USP48: variants seen among roughly 807,000 people sequenced by gnomAD.
The protein encoded by USP48 is ubiquitin specific peptidase 48, also known as ubiquitin carboxyl-terminal hydrolase 48.
Under a neutral mutation model 150.7 loss-of-function variants are expected in USP48, and 43 were observed. The observed-to-expected ratio is 0.29, with a 90% confidence interval of 0.22 to 0.37. The LOEUF is 0.37. Ranked by LOEUF, USP48 falls within the 10% of genes least tolerant of loss-of-function variation. The pLI is 1.00. For synonymous variants in USP48, 396 were observed against 425.9 expected, an observed-to-expected ratio of 0.93 and a Z score of 0.86; for missense variants, 813 against 1,249.6, an observed-to-expected ratio of 0.65 and a Z score of 5.27.
intron 22 of USP48, among the ~76,000 whole-genome samples, chr1:21,700,077 G>T (rs1479977862): frequency 6.6e-6 from 1 of 150,576 alleles, no homozygotes; most frequent in Non-Finnish European, 1.5e-5. Flanking sequence ...TCTTTACCCT[G>T]TTCCTTATGC....
chr1:21,699,973 A>C (rs1234542467), intron 22 of USP48, among the ~76,000 whole-genome samples: 1 of 149,468 alleles, frequency 6.7e-6, no homozygotes, highest in East Asian at 2.0e-4. Flanking sequence ...AAAGGGCGGC[A>C]GCAAAGTCAT....
chr1:21,716,490 G>A (rs1370196817), intron 14 of USP48, among the ~76,000 whole-genome samples: 1 of 152,166 alleles, frequency 6.6e-6, no homozygotes, highest in Non-Finnish European at 1.5e-5. Flanking sequence ...CTTATGAATT[G>A]TTTACTTCTG....
chr1:21,704,153 T>C (rs1026757898), intron 20 of USP48, 109 bp downstream of exon 20: 4 of 1,295,326 alleles, frequency 3.1e-6, no homozygotes, highest in Non-Finnish European at 3.2e-6. Context: ...ACCTAGGGAG[T>C]TGGGACCGCC....
intron 1 of USP48, among the ~76,000 whole-genome samples, chr1:21,758,710 A>T (rs1341647277): frequency 1.3e-5 from 2 of 152,032 alleles, no homozygotes; most frequent in Non-Finnish European, 2.9e-5. Context: ...AGATTACACC[A>T]CTGCACTCTG....
chr1:21,692,488 A>G (rs996417826), intron 23 of USP48, among the ~76,000 whole-genome samples: 5 of 152,162 alleles, frequency 3.3e-5, no homozygotes, highest in Non-Finnish European at 7.3e-5. Context: ...TTTTTGTACT[A>G]CCCTATGAAA....
At chr1:21,734,332 G>A (rs1020673424) in intron 9 of USP48, among the ~76,000 whole-genome samples, 4 of 152,214 alleles carry the variant, frequency 2.6e-5, no homozygotes, top group East Asian at 3.9e-4. Flanking sequence ...CCAGGAGTTC[G>A]AGGCTGCAGT....
At chr1:21,690,206 AG>A in intron 23 of USP48, 107 bp from the exon 24 acceptor site, 29 of 1,299,094 alleles carry the variant, frequency 2.2e-5, no homozygotes, top group Non-Finnish European at 2.7e-5. Context: ...AAAAGGCTTC[AG>A]AGTACAAAAC....
At chr1:21,778,604 A>T (rs1469208924) in intron 1 of USP48, among the ~76,000 whole-genome samples, 1 of 140,468 alleles carries the variant, frequency 7.1e-6, no homozygotes. Context: ...CTCATCTTAA[A>T]AAAAAAAAAA....
intron 3 of USP48, among the ~76,000 whole-genome samples, chr1:21,755,192 A>G (rs1437284748): frequency 2.0e-5 from 3 of 152,182 alleles, no homozygotes; most frequent in African/African-American, 7.2e-5. Context: ...TGTGGCTTTC[A>G]GCAAGTCAAT....
intron 1 of USP48, among the ~76,000 whole-genome samples, chr1:21,758,430 G>T (rs116356719): frequency 2.6e-3 from 397 of 152,166 alleles, no homozygotes; most frequent in African/African-American, 8.9e-3. Context: ...AATGAAATTG[G>T]TTACCTACAG....
chr1:21,733,581 G>A (rs2097762098), intron 9 of USP48, among the ~76,000 whole-genome samples: 1 of 152,076 alleles, frequency 6.6e-6, no homozygotes. Flanking sequence ...TAAAATATAT[G>A]CTGCATAAAA....
intron 15 of USP48, among the ~76,000 whole-genome samples, chr1:21,711,308 C>CA (rs987049256): frequency 6.6e-6 from 1 of 151,982 alleles, no homozygotes; most frequent in African/African-American, 2.4e-5. Flanking sequence ...TAGGGATTTA[C>CA]AAAAAATGAG....
intron 9 of USP48, among the ~76,000 whole-genome samples, chr1:21,733,832 C>T (rs775542886): frequency 1.1e-4 from 17 of 151,780 alleles, no homozygotes; most frequent in Non-Finnish European, 2.1e-4. Flanking sequence ...CACTCCGTAG[C>T]CCAGGCTGGA....
chr1:21,687,088 C>T, intron 25 of USP48, 103 bp downstream of exon 25: 1 of 1,078,634 alleles, frequency 9.3e-7, no homozygotes, highest in Non-Finnish European at 1.4e-6. Context: ...AAGCTTTTTT[C>T]AAGGTTCAAA....
At position 21,769,240 on chromosome 1, in the gene USP48, A is replaced by G. The variant is rs117472934; in HGVS notation, c.135-11457T>C. On this transcript the variant is annotated intron_variant, in intron 1 of 26. Coordinates refer to ENST00000308271, the MANE Select transcript of USP48 (RefSeq NM_032236.8). ...ACCTAAGCATGAAAGATAAAGCAAT[A>G]CAACTTATAGAAATAACACAGGAGA... Among the ~76,000 whole-genome samples, 48 of 152,324 alleles carry G rather than the reference A, an allele frequency of 3.2e-4. No individual in the cohort carries two copies. In the East Asian group the frequency reaches 9.2e-3, roughly 29 times the overall value.
chr1:21,782,958 G>A lies in USP48; in HGVS notation c.-1C>T, dbSNP rs1317358183. 5.9e-6 allele frequency: 9 copies of A among 1,537,164 alleles called. No individual in the cohort carries two copies. Among genetic ancestry groups the A allele is most frequent in the South Asian group, 2.4e-5 (2 of 83,124 alleles). ...TCTCCAGCTGCAGCCGCGGGGCCATGGCCTTGGCCCCAGGAACGCCTCCCG... is the reference window on the plus strand; with the variant it reads ...TCTCCAGCTGCAGCCGCGGGGCCATAGCCTTGGCCCCAGGAACGCCTCCCG... On this transcript the variant is annotated 5_prime_UTR_variant, in exon 1 of 27. Transcript: ENST00000308271.
At chr1:21,696,236 C>T (rs867417717) in intron 22 of USP48, among the ~76,000 whole-genome samples, 1 of 151,904 alleles carries the variant, frequency 6.6e-6, no homozygotes, top group Non-Finnish European at 1.5e-5. Flanking sequence ...GTCAGGAGTT[C>T]GAGACCAGCC....
At chr1:21,733,288 G>A (rs547499029) in intron 9 of USP48, among the ~76,000 whole-genome samples, 2 of 152,164 alleles carry the variant, frequency 1.3e-5, no homozygotes, top group East Asian at 1.9e-4. Context: ...GTGGTGGCAC[G>A]TGCCTGTAAT....
At chr1:21,737,893 T>C (rs2097771985) in intron 8 of USP48, among the ~76,000 whole-genome samples, 2 of 151,544 alleles carry the variant, frequency 1.3e-5, no homozygotes, top group African/African-American at 4.9e-5. Context: ...GCACAGATCT[T>C]TGACAATTTT....
Sources: allele counts gnomAD v4.1 joint callset (sites outside exome capture counted in the v4.1 genomes callset), GRCh38; gene constraint gnomAD v4.1.1; transcripts MANE v1.5; gene names NCBI Gene and HGNC (gene_info 2026-07-23, HGNC 2026-07-21).